Variants in RFC3 observed in about 807,000 individuals in gnomAD.
RFC3 encodes the protein replication factor C subunit 3.
RFC3 carries 41 observed loss-of-function variants against 45.1 expected under a neutral mutation model. That is an observed-to-expected ratio of 0.91 (90% CI 0.71 to 1.18). RFC3 has a LOEUF of 1.18. Among genes scored for constraint, RFC3 ranks in the 50% most tolerant of loss-of-function variants. The pLI is 0.00. For synonymous variants in RFC3, 149 were observed against 144.0 expected (o/e 1.03, Z -0.25); for missense variants, 423 against 428.1 (o/e 0.99, Z 0.10).
intron 8 of RFC3, chr13:33,847,509 C>G (rs537376890): frequency 1.3e-5 from 2 of 151,864 alleles, no homozygotes; most frequent in African/African-American, 4.8e-5. Flanking sequence ...TAGTTGTTAT[C>G]TACTGTAAGA....
chr13:33,914,896 CA>C (rs1159888538), intron 8 of RFC3, among the ~76,000 whole-genome samples: 1 of 151,990 alleles, frequency 6.6e-6, no homozygotes, highest in African/African-American at 2.4e-5. Flanking sequence ...AAAGAGCAAA[CA>C]AAACTGAAAA....
At chr13:33,946,554 T>C (rs182116329) in intron 8 of RFC3, among the ~76,000 whole-genome samples, 2 of 152,300 alleles carry the variant, frequency 1.3e-5, no homozygotes, top group East Asian at 3.9e-4. Context: ...GTAAATAAAA[T>C]ACTTTTAAGC....
downstream of RFC3, among the ~76,000 whole-genome samples, chr13:33,839,339 G>A (rs1313583061): frequency 1.3e-5 from 2 of 152,126 alleles, no homozygotes; most frequent in Non-Finnish European, 2.9e-5. Flanking sequence ...AACCAAGTCT[G>A]CCATTTTTAT....
chr13:33,932,334 A>T (rs1332148472), intron 8 of RFC3, among the ~76,000 whole-genome samples: 1 of 152,152 alleles, frequency 6.6e-6, no homozygotes, highest in Non-Finnish European at 1.5e-5. Flanking sequence ...TTTTTCAGAA[A>T]TTCAAAAAGG....
At chr13:33,895,001 C>A (rs1213024799) in intron 8 of RFC3, among the ~76,000 whole-genome samples, 2 of 152,056 alleles carry the variant, frequency 1.3e-5, no homozygotes, top group African/African-American at 4.8e-5. Flanking sequence ...CAAAAATCAA[C>A]TCATGATGGA....
intron 8 of RFC3, chr13:33,846,450 G>C (rs1414685668): frequency 3.9e-5 from 6 of 152,264 alleles, no homozygotes; most frequent in Non-Finnish European, 8.8e-5. Context: ...CAAGTGTGCT[G>C]TCCTACTGTG....
chr13:33,878,644 C>T (rs889703235), intron 8 of RFC3, among the ~76,000 whole-genome samples: 9 of 152,052 alleles, frequency 5.9e-5, no homozygotes, highest in Non-Finnish European at 1.3e-4. Context: ...TGGAATGTAG[C>T]GGGTCTCCAA....
chr13:33,878,049 G>A (rs1028351513), intron 8 of RFC3, among the ~76,000 whole-genome samples: 4 of 151,928 alleles, frequency 2.6e-5, no homozygotes, highest in Non-Finnish European at 4.4e-5. Flanking sequence ...ATTCCTGCCT[G>A]TAGGGCTGTT....
At chr13:33,840,117 C>T (rs2082186888), downstream of RFC3, among the ~76,000 whole-genome samples, 1 of 152,128 alleles carries the variant, frequency 6.6e-6, no homozygotes, top group Non-Finnish European at 1.5e-5. Flanking sequence ...TTGCTTTACA[C>T]TACTTTGGGT....
intron 8 of RFC3, among the ~76,000 whole-genome samples, chr13:33,886,101 C>T (rs1248953365): frequency 2.0e-5 from 3 of 152,026 alleles, no homozygotes; most frequent in African/African-American, 7.3e-5. Context: ...TGTGGTAAAC[C>T]TGAGACTTCA....
chr13:33,880,933 G>A (rs966462980), intron 8 of RFC3, among the ~76,000 whole-genome samples: 6 of 152,102 alleles, frequency 3.9e-5, no homozygotes, highest in South Asian at 2.1e-4. Context: ...GTGGGCGCCT[G>A]TAGTCCCAGC....
intron 8 of RFC3, among the ~76,000 whole-genome samples, chr13:33,921,898 TAGG>T (rs1184942713): frequency 6.6e-6 from 1 of 152,154 alleles, no homozygotes; most frequent in Non-Finnish European, 1.5e-5. Flanking sequence ...AAGGGAATTA[TAGG>T]AGACAGCATG....
intron 8 of RFC3, among the ~76,000 whole-genome samples, chr13:33,944,803 A>G (rs984396406): frequency 3.9e-5 from 6 of 152,066 alleles, no homozygotes; most frequent in African/African-American, 1.4e-4. Flanking sequence ...CCAAGAGATG[A>G]GAAGATATTG....
chr13:33,834,551 C>T (rs866946267), intron 7 of RFC3, among the ~76,000 whole-genome samples: 10 of 151,550 alleles, frequency 6.6e-5, no homozygotes, highest in Admixed American at 1.3e-4. Flanking sequence ...ACCTTTGTGC[C>T]GCCCCTTTTA....
At chr13:33,825,225 T>C (rs1313083731) in intron 3 of RFC3, among the ~76,000 whole-genome samples, 1 of 152,174 alleles carries the variant, frequency 6.6e-6, no homozygotes, top group African/African-American at 2.4e-5. Flanking sequence ...TCAATACCTA[T>C]AATAAGTCAT....
chr13:33,965,285 C>T (rs1396767709), intron 8 of RFC3, among the ~76,000 whole-genome samples: 2 of 152,076 alleles, frequency 1.3e-5, no homozygotes, highest in Admixed American at 6.6e-5. Context: ...CAGTCATGAG[C>T]TATTCGGTCA....
chr13:33,861,169 G>A (rs1593645863), intron 8 of RFC3, among the ~76,000 whole-genome samples: 1 of 152,028 alleles, frequency 6.6e-6, no homozygotes, highest in African/African-American at 2.4e-5. Context: ...AATACTAAGG[G>A]GAAAAAGATT....
intron 8 of RFC3, among the ~76,000 whole-genome samples, chr13:33,902,726 A>C (rs1022516793): frequency 1.3e-5 from 2 of 151,888 alleles, no homozygotes; most frequent in East Asian, 1.9e-4. Context: ...TAGCCCCTCT[A>C]TGTCTACTTT....
At chr13:33,967,002 C>T (rs1416502423), downstream of RFC3, among the ~76,000 whole-genome samples, 1 of 151,622 alleles carries the variant, frequency 6.6e-6, no homozygotes. Flanking sequence ...ACTAAAAATA[C>T]AAAAAATTAG....
Sources: gnomAD v4.1 joint callset for allele counts (sites outside exome capture counted in the v4.1 genomes callset) on GRCh38, gnomAD v4.1.1 for gene constraint, MANE v1.5 for transcripts, NCBI Gene and HGNC (gene_info 2026-07-23, HGNC 2026-07-21) for gene names.